RNF138: variants seen among roughly 807,000 people sequenced by gnomAD.
The protein encoded by RNF138 is ring finger protein 138.
Under a neutral mutation model 31.0 loss-of-function variants are expected in RNF138, and 12 were observed. The ratio of observed to expected loss-of-function variants is 0.39; its 90% CI spans 0.25 to 0.63. The LOEUF (loss-of-function observed/expected upper bound fraction) is 0.63. RNF138 is among the 20% of genes least tolerant of loss of function. The pLI, the probability that RNF138 is intolerant of heterozygous loss-of-function variation, is 0.52. For synonymous variants in RNF138, 105 were observed against 99.5 expected (o/e 1.06, Z -0.33); for missense variants, 192 against 300.1 (o/e 0.64, Z 2.66).
chr18:32,111,930 T>C lies in RNF138; in HGVS notation c.276+11T>C, dbSNP rs753060354. On this transcript the variant is annotated intron_variant, in intron 3 of 7. Coordinates refer to ENST00000261593, the MANE Select transcript of RNF138 (RefSeq NM_016271.5). The stretch of plus-strand genomic sequence containing the variant: ...TGCTGTGCAAAACAGGTAGAGTAAA[T>C]GTGACATCTCTCTTCTTTGGAAGCC... 14 of 1,581,154 alleles carry C rather than the reference T, an allele frequency of 8.9e-6. No homozygotes were observed. Among genetic ancestry groups the C allele is most frequent in the African/African-American group, 1.4e-5 (1 of 73,520 alleles).
intron 2 of RNF138, among the ~76,000 whole-genome samples, chr18:32,109,157 C>CTT (rs200179767): frequency 1.2e-3 from 169 of 143,200 alleles, no homozygotes; most frequent in South Asian, 2.0e-3. Flanking sequence ...CTTTTTCTTT[C>CTT]TTTTTTTTTT....
chr18:32,101,231 C>T (rs11081743), intron 2 of RNF138, among the ~76,000 whole-genome samples: 108,672 of 145,444 alleles, frequency 0.75, 40,637 homozygotes, highest in African/African-American at 0.88. Context: ...TTTTTTTTTT[C>T]AAAGACAGAG....
In RNF138 at chr18:32,129,235, A is replaced by T. The variant is rs1598868781; in HGVS notation, c.*48A>T. On this transcript the variant is annotated 3_prime_UTR_variant, in exon 8 of 8. Transcript: ENST00000261593. Reference sequence around the variant, plus strand: ...TTTGTACCTGCAAGTGCCATCTTTAAGGGGGAAACTACATGAAGTCACCGT... The same window carrying T: ...TTTGTACCTGCAAGTGCCATCTTTATGGGGGAAACTACATGAAGTCACCGT... 1 of 1,233,602 alleles carries T rather than the reference A, an allele frequency of 8.1e-7. No individual in the cohort carries two copies. Among genetic ancestry groups the T allele is most frequent in the Middle Eastern group, 2.4e-4 (1 of 4,106 alleles). 76.4% of individuals were successfully genotyped at this position (1,233,602 alleles called of 1,614,324 possible).
intron 2 of RNF138, among the ~76,000 whole-genome samples, chr18:32,099,244 C>A (rs768835081): frequency 6.6e-6 from 1 of 151,994 alleles, no homozygotes; most frequent in Non-Finnish European, 1.5e-5. Context: ...GTACCTTTTT[C>A]CTTCCTACTT....
chr18:32,129,131 G>C lies in RNF138; in HGVS notation c.682G>C (p.Asp228His), dbSNP rs1182230646. The change falls in exon 8 of 8, where the codon GAT (aspartate) becomes CAT (histidine). Residue 228 changes from aspartate to histidine, a missense_variant. By Grantham distance (81) the Asp-to-His change is moderately conservative. Around this residue, in one of 2 missense-constraint regions of RNF138, gnomAD observed 140 missense variants for 251.7 expected, o/e 0.56. Transcript: ENST00000261593. ...DYGEFVNLQL[D>H]EETQYQTAVE... is the part of the protein sequence containing the mutation. The stretch of plus-strand genomic sequence containing the variant: ...TTATTGTTTTTAGAATCTTCAGCTA[G>C]ATGAAGAAACCCAATACCAAACTGC... 1 of 1,610,168 alleles carries C rather than the reference G, an allele frequency of 6.2e-7. No homozygotes were observed. The highest frequency in any genetic ancestry group is 8.5e-7 in the Non-Finnish European group (1 of 1,177,006).
chr18:32,111,937 T>C lies in RNF138; in HGVS notation c.276+18T>C. 3 of 1,561,378 alleles carry C rather than the reference T, an allele frequency of 1.9e-6. No individual in the cohort carries two copies. The highest frequency in any genetic ancestry group is 3.4e-4 in the Middle Eastern group (2 of 5,832). On this transcript the variant is annotated intron_variant, in intron 3 of 7. Coordinates refer to ENST00000261593, the MANE Select transcript of RNF138 (RefSeq NM_016271.5). ...CAAAACAGGTAGAGTAAATGTGACA[T>C]CTCTCTTCTTTGGAAGCCAAGTTTC...
intron 2 of RNF138, among the ~76,000 whole-genome samples, chr18:32,103,279 C>T (rs1464000904): frequency 6.6e-6 from 1 of 151,862 alleles, no homozygotes; most frequent in Non-Finnish European, 1.5e-5. Flanking sequence ...GCTTTGAACT[C>T]CTGGAGTTAA....
chr18:32,127,933 A>T (rs2040408348), intron 7 of RNF138, among the ~76,000 whole-genome samples: 1 of 152,130 alleles, frequency 6.6e-6, no homozygotes, highest in African/African-American at 2.4e-5. Context: ...ACAAAAAGTT[A>T]GCCGGGTGTG....
intron 2 of RNF138, among the ~76,000 whole-genome samples, chr18:32,093,198 C>T (rs965793716): frequency 3.9e-5 from 6 of 152,170 alleles, no homozygotes; most frequent in African/African-American, 1.4e-4. Flanking sequence ...CCTGCGGCGT[C>T]TTCAGGCCCC....
intron 2 of RNF138, among the ~76,000 whole-genome samples, chr18:32,108,716 A>G (rs1351881291): frequency 2.0e-5 from 3 of 152,108 alleles, no homozygotes; most frequent in Admixed American, 6.6e-5. Flanking sequence ...TTGCTCAGGT[A>G]GAAGGGTAAT....
chr18:32,120,008 G>A (rs1005568658), intron 4 of RNF138, among the ~76,000 whole-genome samples: 1 of 151,986 alleles, frequency 6.6e-6, no homozygotes, highest in Non-Finnish European at 1.5e-5. Context: ...AAATCATTAT[G>A]TTCTCCCATA....
At position 32,111,979 on chromosome 18, in the gene RNF138, T is replaced by C. The variant is rs190199074; in HGVS notation, c.276+60T>C. On this transcript the variant is annotated intron_variant, in intron 3 of 7. Coordinates refer to ENST00000261593, the MANE Select transcript of RNF138 (RefSeq NM_016271.5). ...CCAAGTTTCTACTCTGAAATTCTTA[T>C]TTGAATTTTCTTGGTTGGTGTTTTT... The C allele has an allele frequency of 3.6e-3, 5,073 of 1,425,554 alleles. 22 individuals are homozygous for C. Among genetic ancestry groups the C allele is most frequent in the Non-Finnish European group, 4.1e-3 (4,302 of 1,061,434 alleles). 88.3% of individuals were successfully genotyped at this position (1,425,554 alleles called of 1,614,324 possible).
chr18:32,117,317 A>G (rs374932978), intron 4 of RNF138, among the ~76,000 whole-genome samples: 1 of 152,128 alleles, frequency 6.6e-6, no homozygotes, highest in Non-Finnish European at 1.5e-5. Flanking sequence ...TAAAGAGACT[A>G]TTTTCAAAGA....
At chr18:32,115,842 T>G (rs890719689) in intron 4 of RNF138, among the ~76,000 whole-genome samples, 5 of 152,214 alleles carry the variant, frequency 3.3e-5, no homozygotes, top group African/African-American at 7.2e-5. Context: ...TTTTATAGCC[T>G]CTTTCTTGGT....
intron 4 of RNF138, among the ~76,000 whole-genome samples, chr18:32,116,953 G>T (rs1357671093): frequency 6.6e-6 from 1 of 152,146 alleles, no homozygotes; most frequent in African/African-American, 2.4e-5. Context: ...CCAGGCTGGA[G>T]TGCAGTGGTG....
At chr18:32,125,674 T>A (rs1385065162) in intron 6 of RNF138, among the ~76,000 whole-genome samples, 1 of 152,220 alleles carries the variant, frequency 6.6e-6, no homozygotes, top group Non-Finnish European at 1.5e-5. Context: ...GGCTCATGCC[T>A]GTAATTTAGC....
rs146141737 is a variant in RNF138, at chr18:32,099,606, T to C, written c.110+6720T>C. 1.3e-3 allele frequency among the ~76,000 whole-genome samples: 196 copies of C among 152,288 alleles called. 1 individual carries two copies. The highest frequency in any genetic ancestry group is 4.4e-3 in the African/African-American group (183 of 41,560). ...TTTTAGTAGAGATGGTGTTGCACCA[T>C]GTTGGTCAGGCTGGTCTCCAACTCC... On this transcript the variant is annotated intron_variant, in intron 2 of 7. Transcript: ENST00000261593.
intron 7 of RNF138, among the ~76,000 whole-genome samples, chr18:32,127,888 G>T (rs181751039): frequency 1.7e-4 from 26 of 152,160 alleles, no homozygotes; most frequent in African/African-American, 6.3e-4. Context: ...AGACCATCCT[G>T]GCTAACACGG....
rs76121406 is a variant in RNF138 at position 32,108,375 on chromosome 18, C to T, written c.111-3379C>T. 9.7e-3 allele frequency among the ~76,000 whole-genome samples: 1,475 copies of T among 152,224 alleles called. 24 individuals are homozygous for T. Among genetic ancestry groups the T allele is most frequent in the African/African-American group, 0.033 (1,375 of 41,528 alleles). On this transcript the variant is annotated intron_variant, in intron 2 of 7. Transcript: ENST00000261593. ...AGGATACCATTATCCTGACCTTTAA[C>T]ATAGTTTAAGTGCTTTTTGTACATT...
Sources: allele counts gnomAD v4.1 joint callset (sites outside exome capture counted in the v4.1 genomes callset), GRCh38; gene constraint gnomAD v4.1.1; regional missense constraint gnomAD v4.1.1; transcripts MANE v1.5; gene names NCBI Gene and HGNC (gene_info 2026-07-23, HGNC 2026-07-21).